Variants in FHIT observed in about 807,000 individuals in gnomAD.
FHIT encodes the protein fragile histidine triad diadenosine triphosphatase, also known as bis(5'-adenosyl)-triphosphatase.
FHIT carries 19 observed loss-of-function variants against 17.9 expected under a neutral mutation model. That is an observed-to-expected ratio of 1.06 (90% CI 0.74 to 1.56). The LOEUF (loss-of-function observed/expected upper bound fraction) is 1.56. Ranked by LOEUF, FHIT falls within the 40% of genes most tolerant of loss-of-function variation. The probability of loss-of-function intolerance (pLI) is 0.00; values close to 1 mark genes in which losing one functional copy is unlikely to be tolerated. For synonymous variants in FHIT, 81 were observed against 69.7 expected, an observed-to-expected ratio of 1.16 and a Z score of -0.81; for missense variants, 248 against 189.2, an observed-to-expected ratio of 1.31 and a Z score of -1.82.
intron 2 of FHIT, among the ~76,000 whole-genome samples, chr3:61,179,707 C>CAAA (rs779180597): frequency 0.094 from 2,736 of 28,968 alleles, 333 homozygotes; most frequent in Non-Finnish European, 0.13. Flanking sequence ...GACCCTATCT[C>CAAA]AAAAAAAAAA....
chr3:60,868,649 G>T (rs1479500669), intron 3 of FHIT, among the ~76,000 whole-genome samples: 3 of 152,134 alleles, frequency 2.0e-5, no homozygotes, highest in Non-Finnish European at 4.4e-5. Context: ...TTCTGAATGA[G>T]TAGTAAATGG....
At chr3:60,688,059 A>G (rs112281985) in intron 4 of FHIT, among the ~76,000 whole-genome samples, 67 of 152,034 alleles carry the variant, frequency 4.4e-4, no homozygotes, top group Middle Eastern at 3.4e-3. Context: ...TGTTTTAGGT[A>G]TATTTCTTCT....
intron 4 of FHIT, among the ~76,000 whole-genome samples, chr3:60,566,465 A>G (rs970515128): frequency 2.0e-5 from 3 of 152,192 alleles, no homozygotes; most frequent in Non-Finnish European, 2.9e-5. Context: ...ATCTCAAAAT[A>G]ATAAGAGCTA....
intron 4 of FHIT, among the ~76,000 whole-genome samples, chr3:60,582,254 C>T (rs548907852): frequency 6.6e-6 from 1 of 152,136 alleles, no homozygotes; most frequent in African/African-American, 2.4e-5. Flanking sequence ...TGAATATAGG[C>T]ATACCTGTCC....
chr3:60,420,738 A>G (rs1005482584), intron 5 of FHIT, among the ~76,000 whole-genome samples: 3 of 152,156 alleles, frequency 2.0e-5, no homozygotes, highest in African/African-American at 7.2e-5. Context: ...GTGTCTTGGT[A>G]TTTAAATGGT....
intron 8 of FHIT, among the ~76,000 whole-genome samples, chr3:59,791,027 C>T (rs547835294): frequency 7.2e-5 from 11 of 152,264 alleles, no homozygotes; most frequent in African/African-American, 2.6e-4. Context: ...CTGAGTTCTC[C>T]CTGACTTTGC....
intron 4 of FHIT, among the ~76,000 whole-genome samples, chr3:60,580,472 T>G (rs1553659381): frequency 6.6e-6 from 1 of 152,140 alleles, no homozygotes; most frequent in Non-Finnish European, 1.5e-5. Context: ...AGTAACATCT[T>G]TAGCTGATTT....
At chr3:60,056,713 G>C (rs1337737629) in intron 5 of FHIT, among the ~76,000 whole-genome samples, 1 of 152,264 alleles carries the variant, frequency 6.6e-6, no homozygotes, top group South Asian at 2.1e-4. Flanking sequence ...TTGCTGGCTT[G>C]GCAGGAAAAC....
At chr3:60,262,683 A>G (rs949593058) in intron 5 of FHIT, among the ~76,000 whole-genome samples, 2 of 150,358 alleles carry the variant, frequency 1.3e-5, no homozygotes, top group African/African-American at 2.4e-5. Flanking sequence ...TTTTACCCCT[A>G]AAACTGCTAG....
intron 7 of FHIT, among the ~76,000 whole-genome samples, chr3:59,972,450 C>T (rs1029027576): frequency 6.6e-6 from 1 of 152,072 alleles, no homozygotes; most frequent in African/African-American, 2.4e-5. Context: ...ACTGTAGTAT[C>T]ATACATTTCA....
At chr3:60,157,596 G>C (rs1253659273) in intron 5 of FHIT, among the ~76,000 whole-genome samples, 1 of 152,200 alleles carries the variant, frequency 6.6e-6, no homozygotes, top group African/African-American at 2.4e-5. Flanking sequence ...AGGCAGAGTA[G>C]AAGAAGCAAA....
intron 5 of FHIT, among the ~76,000 whole-genome samples, chr3:60,485,659 G>A (rs1211687830): frequency 2.6e-5 from 4 of 152,022 alleles, no homozygotes; most frequent in South Asian, 2.1e-4. Flanking sequence ...TTGGGGGTGG[G>A]GGGCAAGGGG....
intron 2 of FHIT, among the ~76,000 whole-genome samples, chr3:61,180,599 AT>A (rs2038308270): frequency 6.6e-6 from 1 of 152,230 alleles, no homozygotes; most frequent in African/African-American, 2.4e-5. Context: ...TGTATTTTGC[AT>A]GTCTTCCAAG....
intron 5 of FHIT, among the ~76,000 whole-genome samples, chr3:60,442,711 C>A (rs886713721): frequency 6.6e-6 from 1 of 152,120 alleles, no homozygotes. Context: ...TAGTGTGATG[C>A]CTCTAGCTTT....
At chr3:60,499,749 C>G (rs1466850534) in intron 5 of FHIT, among the ~76,000 whole-genome samples, 2 of 152,040 alleles carry the variant, frequency 1.3e-5, no homozygotes, top group African/African-American at 2.4e-5. Context: ...TTCTTGTTTC[C>G]TTCTACCTGG....
chr3:60,779,780 G>A lies in FHIT; in HGVS notation c.-18+42139C>T, dbSNP rs115103641. Among the ~76,000 whole-genome samples, 1,472 of 152,260 alleles carry A rather than the reference G, an allele frequency of 9.7e-3. 28 individuals carry two copies. The highest frequency in any genetic ancestry group is 0.033 in the African/African-American group (1,380 of 41,548). ...GATCCAGAGGCAAATGACAACAGAA[G>A]TTAAAAGGCACAGCACAGGTGAGCG... On this transcript the variant is annotated intron_variant, in intron 4 of 9. Transcript: ENST00000492590.
At chr3:60,392,322 A>C (rs992027121) in intron 5 of FHIT, among the ~76,000 whole-genome samples, 2 of 152,212 alleles carry the variant, frequency 1.3e-5, no homozygotes, top group African/African-American at 4.8e-5. Context: ...GATGCTTTAC[A>C]AGAAGCTTAT....
intron 4 of FHIT, among the ~76,000 whole-genome samples, chr3:60,576,939 TCCATTTGC>T (rs1396157860): frequency 2.3e-5 from 2 of 88,888 alleles, no homozygotes; most frequent in African/African-American, 9.5e-5. Flanking sequence ...CATATTTGCA[TCCATTTGC>T]ATACACACAC....
At chr3:60,732,212 G>A in intron 4 of FHIT, 1 of 825,418 alleles carries the variant, frequency 1.2e-6, no homozygotes, top group Non-Finnish European at 2.1e-6. Context: ...GACCCAAAGT[G>A]TTCCATGGCC....
Sources: allele counts gnomAD v4.1 joint callset (sites outside exome capture counted in the v4.1 genomes callset), GRCh38; gene constraint gnomAD v4.1.1; transcripts MANE v1.5; gene names NCBI Gene and HGNC (gene_info 2026-07-23, HGNC 2026-07-21).